The following PES1 variants were observed in gnomAD, a reference collection of about 807,000 sequenced individuals.
PES1 encodes pescadillo homolog.
A neutral mutation model predicts 77.1 loss-of-function variants in PES1; 31 were observed. The observed-to-expected ratio is 0.40, with a 90% CI of 0.30 to 0.54. The LOEUF (loss-of-function observed/expected upper bound fraction) is 0.54. PES1 is among the 20% of genes least tolerant of loss of function. PES1 has a pLI of 0.45. For missense variants in PES1, 658 were observed against 771.7 expected, an observed-to-expected ratio of 0.85 and a Z score of 1.75; for synonymous variants, 282 against 303.0, an observed-to-expected ratio of 0.93 and a Z score of 0.72.
At chr22:30,579,602 G>A (rs1166069145) in intron 12 of PES1, 149 bp downstream of exon 12, 5 of 743,454 alleles carry the variant, frequency 6.7e-6, no homozygotes, top group Non-Finnish European at 1.1e-5. Context: ...GGAGGTAGAT[G>A]TCCCTTCTCC....
chr22:30,601,132 T>A (rs986521341), intron 2 of PES1, among the ~76,000 whole-genome samples: 6 of 152,158 alleles, frequency 3.9e-5, no homozygotes, highest in African/African-American at 1.4e-4. Context: ...ATTCTGCTAC[T>A]GACAAGGATG....
chr22:30,604,431 G>A (rs1048150391), intron 2 of PES1, among the ~76,000 whole-genome samples: 1 of 151,880 alleles, frequency 6.6e-6, no homozygotes, highest in Admixed American at 6.6e-5. Flanking sequence ...TCAGGAGTCC[G>A]AGACCAACCT....
intron 2 of PES1, among the ~76,000 whole-genome samples, chr22:30,600,166 C>T (rs1602030067): frequency 1.3e-5 from 2 of 151,826 alleles, no homozygotes; most frequent in African/African-American, 4.8e-5. Context: ...AACCCCATCT[C>T]TACTAAAACA....
At chr22:30,584,120 G>A (rs145209244) in intron 6 of PES1, 38 of 546,810 alleles carry the variant, frequency 6.9e-5, no homozygotes, top group African/African-American at 6.6e-4. Context: ...TGTTAACTGA[G>A]GCACAGAGAG....
intron 2 of PES1, among the ~76,000 whole-genome samples, chr22:30,588,490 C>T (rs1402659004): frequency 6.6e-6 from 1 of 152,108 alleles, no homozygotes; most frequent in Non-Finnish European, 1.5e-5. Context: ...TAAAAGTGGA[C>T]CAGGTGGCTA....
chr22:30,601,079 G>A (rs1278805565), intron 2 of PES1, among the ~76,000 whole-genome samples: 2 of 152,282 alleles, frequency 1.3e-5, no homozygotes, highest in East Asian at 3.9e-4. Context: ...GGTGGAAGTT[G>A]CATTTTCTTT....
rs1391205767 is a variant in PES1 at position 30,579,528 on chromosome 22, CTGAT to C, written c.1354+219_1354+222del. 7.0e-6 allele frequency: 5 copies of C among 718,016 alleles called. No individual in the cohort carries two copies. The African/African-American group carries it at 8.9e-5, about 13-fold the overall frequency. The allele number at this position is 718,016 out of a possible 1,614,324, so 44.5% of individuals were successfully genotyped here. A position where few individuals can be genotyped will look rare whatever the true frequency, so the allele number is the denominator to read the frequency against. ...AGCTCTGTCGCCTCCAATGTAAACT[CTGAT>C]GACAATGCAGCATGTTCTTCTGCTC... On this transcript the variant is annotated intron_variant, in intron 12 of 14. Transcript: ENST00000354694.
intron 9 of PES1, 113 bp downstream of exon 9, chr22:30,580,899 G>A: frequency 8.4e-7 from 1 of 1,195,868 alleles, no homozygotes. Context: ...CTTCTGCTCA[G>A]TTGCTTTGAC....
At chr22:30,594,855 G>C (rs1186056508), upstream of PES1, among the ~76,000 whole-genome samples, 2 of 151,954 alleles carry the variant, frequency 1.3e-5, no homozygotes, top group South Asian at 4.1e-4. Flanking sequence ...GTGTACCTGT[G>C]GTCCCAGCTA....
At chr22:30,601,287 T>C (rs1264133803) in intron 2 of PES1, among the ~76,000 whole-genome samples, 2 of 152,216 alleles carry the variant, frequency 1.3e-5, no homozygotes, top group Admixed American at 1.3e-4. Context: ...TTTATCTCTC[T>C]TAATGCTTTT....
chr22:30,584,421 C>G lies in PES1; in HGVS notation c.574G>C (p.Ala192Pro). The stretch of plus-strand genomic sequence containing the variant: ...ACGATGGGCTGCCCCAGTACCTCGG[C>G]CTGGTAGTAAATGCCTTTGATGGAC... ...FLSIKGIYYQ[A>P]EVLGQPIVWI... Residue 192 changes from alanine (A) to proline (P), a missense_variant, in exon 6 of 15, where the codon GCC becomes CCC. Transcript: ENST00000354694. The G allele has an allele frequency of 6.2e-7, 1 of 1,612,530 alleles. No individual in the cohort carries two copies. Among genetic ancestry groups the G allele is most frequent in the Non-Finnish European group, 8.5e-7 (1 of 1,179,260 alleles).
intron 2 of PES1, 100 bp from the exon 3 acceptor site, chr22:30,588,274 G>C: frequency 2.1e-6 from 3 of 1,409,074 alleles, no homozygotes; most frequent in Non-Finnish European, 3.0e-6. Flanking sequence ...GGGGAACATG[G>C]GGTCCCTGCC....
chr22:30,576,821 C>G lies in PES1; in HGVS notation c.*225G>C, dbSNP rs1157518746. ...TGGCTCCTGGGAGCAGAGAATCAGG[C>G]TGGGCACAGAGGCCTCTTCTCTGAC... On this transcript the variant is annotated 3_prime_UTR_variant, in exon 15 of 15. Transcript: ENST00000354694. 7.0e-6 allele frequency: 4 copies of G among 572,698 alleles called. No individual in the cohort carries two copies. Among genetic ancestry groups the G allele is most frequent in the Non-Finnish European group, 6.2e-6 (2 of 320,802 alleles). The allele number at this position is 572,698 out of a possible 1,614,324, so 35.5% of individuals were successfully genotyped here. A position where few individuals can be genotyped will look rare whatever the true frequency, so the allele number is the denominator to read the frequency against.
At chr22:30,602,745 T>G (rs1378646351) in intron 2 of PES1, among the ~76,000 whole-genome samples, 2 of 152,158 alleles carry the variant, frequency 1.3e-5, no homozygotes, top group Non-Finnish European at 2.9e-5. Context: ...GTTTTATAGT[T>G]TTGTGTTTCA....
At position 30,589,280 on chromosome 22, in the gene PES1, G is replaced by A. The variant is rs758555699; in HGVS notation, c.25-10C>T. Reference sequence around the variant, plus strand: ...CCGAGCCTCGTTCATACTGGGAGAGGAAAAAAACAATTCTCCATTAGCAAT... The same window carrying A: ...CCGAGCCTCGTTCATACTGGGAGAGAAAAAAAACAATTCTCCATTAGCAAT... On this transcript the variant is annotated splice_polypyrimidine_tract_variant and intron_variant, in intron 1 of 14. Transcript: ENST00000354694. The A allele has an allele frequency of 1.2e-6, 2 of 1,607,444 alleles. No homozygotes were observed. The highest frequency in any genetic ancestry group is 1.7e-6 in the Non-Finnish European group (2 of 1,176,134).
At chr22:30,580,487 A>G in intron 10 of PES1, 84 bp downstream of exon 10, 1 of 1,533,526 alleles carries the variant, frequency 6.5e-7, no homozygotes, top group Non-Finnish European at 8.9e-7. Flanking sequence ...ACACCATCCC[A>G]ATGTTACCGA....
chr22:30,596,831 G>A (rs936891257), upstream of PES1, among the ~76,000 whole-genome samples: 11 of 152,188 alleles, frequency 7.2e-5, no homozygotes, highest in African/African-American at 9.6e-5. Context: ...GGCCGGAGCC[G>A]GCTCCCTCAG....
intron 1 of PES1, 83 bp downstream of exon 1, chr22:30,591,727 G>T: frequency 6.8e-7 from 1 of 1,467,270 alleles, no homozygotes. Flanking sequence ...TCCACGAGAC[G>T]GAGCCCGGGA....
At chr22:30,591,931 C>G (rs1041316486), upstream of PES1, 3 of 1,466,340 alleles carry the variant, frequency 2.0e-6, no homozygotes, top group African/African-American at 4.2e-5. Flanking sequence ...CTCCCCACCC[C>G]ACGCTGTCTG....
Sources: gnomAD v4.1 joint callset for allele counts (sites outside exome capture counted in the v4.1 genomes callset) on GRCh38, gnomAD v4.1.1 for gene constraint, MANE v1.5 for transcripts, NCBI Gene and HGNC (gene_info 2026-07-23, HGNC 2026-07-21) for gene names.